The following ITPKB variants were observed in gnomAD, a reference collection of about 807,000 sequenced individuals.
ITPKB encodes IP3 3-kinase B.
In ITPKB, 13 loss-of-function variants were observed where a neutral mutation model predicts 69.4. The ratio of observed to expected loss-of-function variants is 0.19; its 90% CI spans 0.12 to 0.30. The LOEUF is 0.30. ITPKB is among the 10% of genes least tolerant of loss of function. The pLI is 1.00. For missense variants in ITPKB, 1,240 were observed against 1,250.5 expected, an observed-to-expected ratio of 0.99 and a Z score of 0.13; for synonymous variants, 584 against 513.7, an observed-to-expected ratio of 1.14 and a Z score of -1.85.
At chr1:226,665,519 CT>C (rs1669479594) in intron 2 of ITPKB, among the ~76,000 whole-genome samples, 1 of 152,184 alleles carries the variant, frequency 6.6e-6, no homozygotes. Context: ...AGATGTGGCC[CT>C]TCGGGTCTGA....
intron 5 of ITPKB, among the ~76,000 whole-genome samples, chr1:226,640,221 C>T (rs1394621858): frequency 1.3e-5 from 2 of 152,338 alleles, no homozygotes; most frequent in South Asian, 2.1e-4. Flanking sequence ...CCTCGCCCAC[C>T]CCACTCCCAT....
At chr1:226,666,892 G>C (rs369435488) in intron 2 of ITPKB, among the ~76,000 whole-genome samples, 5 of 151,954 alleles carry the variant, frequency 3.3e-5, no homozygotes, top group African/African-American at 1.2e-4. Context: ...AAGGGCTCTC[G>C]CCTCTCCCCA....
intron 2 of ITPKB, among the ~76,000 whole-genome samples, chr1:226,662,875 A>C (rs928633029): frequency 2.0e-5 from 3 of 152,228 alleles, no homozygotes; most frequent in African/African-American, 7.2e-5. Flanking sequence ...TTTCCAAAGA[A>C]GCATCTGCAG....
chr1:226,727,113 T>A (rs1175950160), intron 2 of ITPKB, among the ~76,000 whole-genome samples: 1 of 152,234 alleles, frequency 6.6e-6, no homozygotes, highest in African/African-American at 2.4e-5. Flanking sequence ...TTCCCCATAA[T>A]ATTATGAGGT....
At chr1:226,705,357 T>G (rs1656774708) in intron 2 of ITPKB, among the ~76,000 whole-genome samples, 1 of 151,818 alleles carries the variant, frequency 6.6e-6, no homozygotes, top group South Asian at 2.1e-4. Flanking sequence ...TGGAGAAACC[T>G]CATCTCTGCT....
chr1:226,691,124 A>T (rs192856978), intron 2 of ITPKB, among the ~76,000 whole-genome samples: 1 of 152,186 alleles, frequency 6.6e-6, no homozygotes, highest in Admixed American at 6.5e-5. Context: ...AAAGTTCTAG[A>T]GATGGATGGT....
At chr1:226,664,852 A>G (rs16846357) in intron 2 of ITPKB, among the ~76,000 whole-genome samples, 2,075 of 152,278 alleles carry the variant, frequency 0.014, 106 homozygotes, top group Admixed American at 0.08. Context: ...AGCTATTTAC[A>G]CAGTGTGTGG....
At chr1:226,654,118 T>C (rs1365460127) in intron 2 of ITPKB, among the ~76,000 whole-genome samples, 2 of 152,010 alleles carry the variant, frequency 1.3e-5, no homozygotes, top group Non-Finnish European at 2.9e-5. Flanking sequence ...GAGTGATTCT[T>C]TGAAACTCAA....
chr1:226,659,302 A>G (rs933129100), intron 2 of ITPKB, among the ~76,000 whole-genome samples: 12 of 152,212 alleles, frequency 7.9e-5, no homozygotes, highest in African/African-American at 2.9e-4. Flanking sequence ...CCAGACGGCA[A>G]GGACAGGGCT....
chr1:226,665,111 C>T (rs559406571), intron 2 of ITPKB, among the ~76,000 whole-genome samples: 1 of 152,218 alleles, frequency 6.6e-6, no homozygotes, highest in Non-Finnish European at 1.5e-5. Flanking sequence ...CACAAAAATC[C>T]GAATTCCCAA....
chr1:226,658,111 C>T (rs994257488), intron 2 of ITPKB, among the ~76,000 whole-genome samples: 1 of 152,252 alleles, frequency 6.6e-6, no homozygotes, highest in African/African-American at 2.4e-5. Flanking sequence ...GAGTGAGAGT[C>T]ATTGAGTTTT....
Position 226,690,810 on chromosome 1 carries a change from A to G in ITPKB, c.1933-42039T>C, listed in dbSNP as rs1433828681. The stretch of plus-strand genomic sequence containing the variant: ...CCTGCAATAGCCAAAAGGTGGAAGC[A>G]AGCCAAGTGCCATCGGCAGATGACT... On this transcript the variant is annotated intron_variant, in intron 2 of 7. Transcript: ENST00000429204. 2.0e-5 allele frequency among the ~76,000 whole-genome samples: 3 copies of G among 152,354 alleles called. No individual in the cohort carries two copies. In the East Asian group the frequency reaches 5.8e-4, roughly 29 times the overall value.
chr1:226,636,007 G>A (rs919610097), intron 7 of ITPKB, among the ~76,000 whole-genome samples: 5 of 152,354 alleles, frequency 3.3e-5, no homozygotes, highest in South Asian at 2.1e-4. Context: ...CCTCTTCGCA[G>A]GTGGAAAACA....
intron 2 of ITPKB, among the ~76,000 whole-genome samples, chr1:226,661,692 T>G (rs1669404801): frequency 6.6e-6 from 1 of 152,224 alleles, no homozygotes; most frequent in South Asian, 2.1e-4. Flanking sequence ...ATTCTCTGTG[T>G]GCAGTGCCTG....
chr1:226,710,406 G>A (rs560140073), intron 2 of ITPKB, among the ~76,000 whole-genome samples: 1 of 152,346 alleles, frequency 6.6e-6, no homozygotes, highest in Admixed American at 6.5e-5. Flanking sequence ...CAGGAAAAAA[G>A]TGCCATAAAA....
chr1:226,709,683 C>A lies in ITPKB; in HGVS notation c.1932+25844G>T, dbSNP rs1312465446. Among the ~76,000 whole-genome samples the A allele has an allele frequency of 3.9e-5, 6 of 152,152 alleles. No individual in the cohort carries two copies. The East Asian group carries it at 1.2e-3, about 29-fold the overall frequency. ...AATATGAAACTTCCATGACTGGGGA[C>A]CAACGGTGAGAAGCGGCAGTGGGCA... On this transcript the variant is annotated intron_variant, in intron 2 of 7. Transcript: ENST00000429204.
intron 2 of ITPKB, among the ~76,000 whole-genome samples, chr1:226,734,477 G>A (rs572445956): frequency 2.6e-5 from 4 of 152,234 alleles, no homozygotes; most frequent in South Asian, 2.1e-4. Flanking sequence ...AGATGAAATC[G>A]GAAGGCTACC....
Position 226,736,470 on chromosome 1 carries a change from G to T in ITPKB, c.989C>A (p.Ala330Asp). The change falls in exon 2 of 8, where the codon GCC (alanine) becomes GAC (aspartate). Residue 330 changes from alanine to aspartate, a missense_variant. Physicochemically the swap from Ala to Asp is moderately radical, Grantham distance 126. Around this residue, in one of 2 missense-constraint regions of ITPKB, gnomAD observed 992 missense variants for 853.8 expected, o/e 1.16. Coordinates refer to ENST00000429204, the MANE Select transcript of ITPKB (RefSeq NM_002221.4). ...GGGCTGCAGGTCCTCAAGCTCACGG[G>T]CTCTCCCAGACGGCTCAGTGAGGGC... The part of the protein sequence containing the change: ...DLALTEPSGR[A>D]RELEDLQPPE... 1 of 1,613,792 alleles carries T rather than the reference G, an allele frequency of 6.2e-7. No individual in the cohort carries two copies. The highest frequency in any genetic ancestry group is 2.2e-5 in the East Asian group (1 of 44,886).
intron 2 of ITPKB, among the ~76,000 whole-genome samples, chr1:226,653,102 C>T (rs1305713749): frequency 2.6e-5 from 4 of 152,274 alleles, no homozygotes; most frequent in South Asian, 2.1e-4. Context: ...GTGACAGGCC[C>T]GGGTTAGAGA....
Sources: gnomAD v4.1 joint callset for allele counts (sites outside exome capture counted in the v4.1 genomes callset) on GRCh38, gnomAD v4.1.1 for gene constraint, gnomAD v4.1.1 regional missense constraint, MANE v1.5 for transcripts, NCBI Gene and HGNC (gene_info 2026-07-23, HGNC 2026-07-21) for gene names.